The following GPC3 variants were observed in gnomAD, a reference collection of about 807,000 sequenced individuals.
GPC3 encodes glypican-3.
Under a neutral mutation model 34.4 loss-of-function variants are expected in GPC3, and 3 were observed. The ratio of observed to expected loss-of-function variants is 0.09; its 90% CI spans 0.04 to 0.23. The LOEUF (loss-of-function observed/expected upper bound fraction) is 0.23, where lower values mean the gene tolerates loss of function less well. Ranked by LOEUF, GPC3 falls within the 10% of genes least tolerant of loss-of-function variation. The pLI, the probability that GPC3 is intolerant of heterozygous loss-of-function variation, is 1.00. For missense variants in GPC3, 351 were observed against 445.6 expected, an observed-to-expected ratio of 0.79 and a Z score of 1.91; for synonymous variants, 177 against 174.0, an observed-to-expected ratio of 1.02 and a Z score of -0.13.
chrX:133,656,561 T>G (rs2124396199), intron 6 of GPC3, among the ~76,000 whole-genome samples: 1 of 112,486 alleles, frequency 8.9e-6, no homozygotes, highest in South Asian at 3.8e-4. Context: ...CTTTGCAAAC[T>G]GAATTGTGCT....
intron 1 of GPC3, among the ~76,000 whole-genome samples, chrX:133,972,544 G>A (rs1419788915): frequency 8.9e-6 from 1 of 112,372 alleles, no homozygotes; most frequent in Non-Finnish European, 1.9e-5. Context: ...TTTCCAACTA[G>A]TTACAAATTA....
intron 2 of GPC3, among the ~76,000 whole-genome samples, chrX:133,847,369 CATT>C (rs1344255722): frequency 8.9e-6 from 1 of 112,106 alleles, no homozygotes; most frequent in Non-Finnish European, 1.9e-5. Context: ...CTGCAATTTT[CATT>C]ATTCAGGAAG....
intron 2 of GPC3, among the ~76,000 whole-genome samples, chrX:133,800,380 A>G (rs1219760643): frequency 8.9e-6 from 1 of 112,264 alleles, no homozygotes; most frequent in African/African-American, 3.2e-5. Flanking sequence ...CAGATATTAG[A>G]GATTACAAAC....
chrX:133,587,913 C>G (rs761244454), intron 7 of GPC3, among the ~76,000 whole-genome samples: 20 of 111,555 alleles, frequency 1.8e-4, no homozygotes, highest in Non-Finnish European at 3.6e-4. Flanking sequence ...GTGGCAGACA[C>G]AGAACTGGGA....
rs2075962303 is a variant in GPC3 at position 133,865,486 on chromosome X, G to A, written c.337+87564C>T. ...TACGTATGTTCTTATTAAATGAAAC[G>A]GGAGGAAAATAATGACAAGAGACAT... is the stretch of plus-strand genomic sequence containing the variant. On this transcript the variant is annotated intron_variant, in intron 2 of 7. Transcript: ENST00000370818. 2.7e-5 allele frequency among the ~76,000 whole-genome samples: 3 copies of A among 111,650 alleles called. No homozygotes were observed. In the Admixed American group the frequency reaches 2.9e-4, roughly 11 times the overall value.
intron 2 of GPC3, among the ~76,000 whole-genome samples, chrX:133,826,020 A>G (rs73567043): frequency 0.11 from 11,953 of 111,745 alleles, 1,175 homozygotes; most frequent in African/African-American, 0.31. Flanking sequence ...ATTAAAACAA[A>G]TAGTAACAGC....
At chrX:133,980,572 C>T (rs975363738) in intron 1 of GPC3, among the ~76,000 whole-genome samples, 2 of 111,953 alleles carry the variant, frequency 1.8e-5, no homozygotes, top group Admixed American at 9.5e-5. Flanking sequence ...AGGAAGCATT[C>T]ACAAAAAAAT....
chrX:133,571,043 A>C (rs1020763577), intron 7 of GPC3, among the ~76,000 whole-genome samples: 4 of 112,002 alleles, frequency 3.6e-5, no homozygotes, highest in Non-Finnish European at 5.6e-5. Flanking sequence ...GAAGCATAAA[A>C]AGAGATCAAA....
rs1272444876 is a variant in GPC3, at chrX:133,890,696, A to G, written c.337+62354T>C. On this transcript the variant is annotated intron_variant, in intron 2 of 7. Coordinates refer to ENST00000370818, the MANE Select transcript of GPC3 (RefSeq NM_004484.4). ...AAAATGGTGACACCCTGTCACTACT[A>G]AAAATACAAAAAAATTAACTGGGTG... Among the ~76,000 whole-genome samples, 3 of 109,539 alleles carry G rather than the reference A, an allele frequency of 2.7e-5. No individual in the cohort carries two copies. In the East Asian group the frequency reaches 8.6e-4, roughly 31 times the overall value.
chrX:133,795,839 T>A (rs769631870), intron 2 of GPC3, among the ~76,000 whole-genome samples: 3 of 110,580 alleles, frequency 2.7e-5, no homozygotes, highest in Non-Finnish European at 3.8e-5. Flanking sequence ...GGAGCAAAAG[T>A]CTTCATGGGC....
At chrX:133,537,608 C>T (rs989848844) in intron 7 of GPC3, among the ~76,000 whole-genome samples, 1 of 111,560 alleles carries the variant, frequency 9.0e-6, no homozygotes, top group Non-Finnish European at 1.9e-5. Flanking sequence ...ACTAAGATAC[C>T]AATTTCCAAA....
chrX:133,760,740 T>C (rs1440724011), intron 2 of GPC3, among the ~76,000 whole-genome samples: 2 of 111,472 alleles, frequency 1.8e-5, no homozygotes, highest in African/African-American at 6.5e-5. Flanking sequence ...TATAGAACCA[T>C]GCAATACAAA....
At chrX:133,896,234 G>A (rs763908692) in intron 2 of GPC3, among the ~76,000 whole-genome samples, 4 of 111,220 alleles carry the variant, frequency 3.6e-5, no homozygotes, top group East Asian at 2.8e-4. Context: ...GGCGGCACAC[G>A]CCTGTAATCC....
intron 2 of GPC3, among the ~76,000 whole-genome samples, chrX:133,777,884 G>A (rs1417385070): frequency 2.7e-5 from 3 of 111,797 alleles, no homozygotes; most frequent in African/African-American, 9.8e-5. Context: ...AAACTGACGA[G>A]GCAGGAACTA....
At chrX:133,623,138 C>T (rs2070252364) in intron 6 of GPC3, among the ~76,000 whole-genome samples, 1 of 111,804 alleles carries the variant, frequency 8.9e-6, no homozygotes, top group African/African-American at 3.3e-5. Flanking sequence ...CCAGGCCTGC[C>T]TTACAAGAGC....
intron 2 of GPC3, among the ~76,000 whole-genome samples, chrX:133,912,514 T>G (rs1000941405): frequency 2.8e-5 from 3 of 108,676 alleles, no homozygotes; most frequent in African/African-American, 6.7e-5. Flanking sequence ...GAATTGGGTT[T>G]TTTTTTTTTT....
rs188600457 is a variant in GPC3, at chrX:133,676,254, C to T, written c.1293-14404G>A. The stretch of plus-strand genomic sequence containing the variant: ...GTAGAACTGCTCTTTCTATAGTCTT[C>T]CTAAACTCATGTCCAGAGATCTAGG... On this transcript the variant is annotated intron_variant, in intron 5 of 7. Transcript: ENST00000370818. 4.1e-3 allele frequency among the ~76,000 whole-genome samples: 465 copies of T among 112,262 alleles called. 1 individual carries two copies. The highest frequency in any genetic ancestry group is 0.014 in the African/African-American group (432 of 30,895).
chrX:133,661,576 C>T (rs967117618), intron 6 of GPC3, among the ~76,000 whole-genome samples, 154 bp downstream of exon 6: 39 of 7,074 alleles, frequency 5.5e-3, no homozygotes, highest in African/African-American at 0.011. Context: ...CTTTCTCTCT[C>T]TCTCTCTCTC....
intron 5 of GPC3, among the ~76,000 whole-genome samples, chrX:133,684,263 G>A (rs749376406): frequency 1.3e-4 from 14 of 111,945 alleles, no homozygotes; most frequent in Non-Finnish European, 2.1e-4. Flanking sequence ...TGTCTTAGGG[G>A]GACCAGGAAC....
Sources: gnomAD v4.1 joint callset for allele counts (sites outside exome capture counted in the v4.1 genomes callset) on GRCh38, gnomAD v4.1.1 for gene constraint, MANE v1.5 for transcripts, NCBI Gene and HGNC (gene_info 2026-07-23, HGNC 2026-07-21) for gene names.